Variants in GABRG1 observed in about 807,000 individuals in gnomAD.
The protein encoded by GABRG1 is gamma-aminobutyric acid receptor subunit gamma-1.
Under a neutral mutation model 49.8 loss-of-function variants are expected in GABRG1, and 49 were observed. That is an observed-to-expected ratio of 0.98 (90% CI 0.78 to 1.25). The LOEUF (loss-of-function observed/expected upper bound fraction) is 1.25, where lower values mean the gene tolerates loss of function less well. GABRG1 is among the 50% of genes most tolerant of loss of function. The probability of loss-of-function intolerance (pLI) is 0.00; values close to 1 mark genes in which losing one functional copy is unlikely to be tolerated. For missense variants in GABRG1, 552 were observed against 552.3 expected, an observed-to-expected ratio of 1.00 and a Z score of 0.01; for synonymous variants, 232 against 185.1, an observed-to-expected ratio of 1.25 and a Z score of -2.06.
intron 1 of GABRG1, among the ~76,000 whole-genome samples, chr4:46,100,732 G>GTTT (rs67783537): frequency 7.7e-6 from 1 of 130,214 alleles, no homozygotes; most frequent in South Asian, 2.4e-4. Flanking sequence ...AGCTTTTTCT[G>GTTT]TTTTTTTTTT....
intron 3 of GABRG1, among the ~76,000 whole-genome samples, chr4:46,079,932 T>C (rs1719503753): frequency 6.6e-6 from 1 of 151,904 alleles, no homozygotes; most frequent in Admixed American, 6.6e-5. Flanking sequence ...CAATTCTGAT[T>C]GCATATTTTT....
chr4:46,085,446 T>C (rs1442704267), intron 2 of GABRG1, among the ~76,000 whole-genome samples: 1 of 151,582 alleles, frequency 6.6e-6, no homozygotes. Flanking sequence ...GTAAGTCCAA[T>C]ATTGCTACTA....
At chr4:46,088,532 A>G (rs1719863893) in intron 2 of GABRG1, among the ~76,000 whole-genome samples, 1 of 151,966 alleles carries the variant, frequency 6.6e-6, no homozygotes, top group Non-Finnish European at 1.5e-5. Flanking sequence ...GGAGTCACTG[A>G]TAAGACACAT....
At chr4:46,064,198 T>C (rs929845026) in intron 5 of GABRG1, among the ~76,000 whole-genome samples, 1 of 152,034 alleles carries the variant, frequency 6.6e-6, no homozygotes, top group African/African-American at 2.4e-5. Context: ...GCAAATAGCA[T>C]TGGAATAAAA....
rs569963904 is a variant in GABRG1 at position 46,038,457 on chromosome 4, C to A, written c.*2531G>T. On this transcript the variant is annotated 3_prime_UTR_variant, in exon 9 of 9. Transcript: ENST00000295452. ...AATTCTTTATATCTAATTTTGGGGT[C>A]TATGTTAGCATTAAAAACATTGAAA... 13 of 151,526 alleles carry A rather than the reference C, an allele frequency of 8.6e-5. No homozygotes were observed. Among genetic ancestry groups the A allele is most frequent in the African/African-American group, 2.7e-4 (11 of 41,450 alleles). The allele number at this position is 151,526 out of a possible 1,614,324, so 9.4% of individuals were successfully genotyped here. A position where few individuals can be genotyped will look rare whatever the true frequency, so the allele number is the denominator to read the frequency against.
intron 2 of GABRG1, among the ~76,000 whole-genome samples, chr4:46,091,167 C>T (rs949029603): frequency 6.6e-6 from 1 of 152,002 alleles, no homozygotes; most frequent in Non-Finnish European, 1.5e-5. Flanking sequence ...GAGAGAGGAT[C>T]CTGGTACAAA....
rs1044506588 is a variant in GABRG1, at chr4:46,036,213, A to G, written c.*4775T>C. The G allele has an allele frequency of 1.3e-5, 2 of 151,854 alleles. No homozygotes were observed. The highest frequency in any genetic ancestry group is 2.4e-5 in the African/African-American group (1 of 41,418). 9.4% of individuals were successfully genotyped at this position (151,854 alleles called of 1,614,324 possible). The stretch of plus-strand genomic sequence containing the variant: ...TTCAGAAATTGTTTGAGGAACAGAA[A>G]TCAACTTTCTGGATTTGTCTACACA... On this transcript the variant is annotated 3_prime_UTR_variant, in exon 9 of 9. Transcript: ENST00000295452.
chr4:46,103,996 GTGTT>G (rs1227052318), intron 1 of GABRG1, among the ~76,000 whole-genome samples: 1 of 151,320 alleles, frequency 6.6e-6, no homozygotes, highest in East Asian at 2.0e-4. Flanking sequence ...GGAACATAGA[GTGTT>G]TGAAGTAAGA....
intron 2 of GABRG1, among the ~76,000 whole-genome samples, chr4:46,090,006 A>G (rs1719921570): frequency 6.6e-6 from 1 of 152,018 alleles, no homozygotes; most frequent in African/African-American, 2.4e-5. Context: ...TCATAAAGCA[A>G]TGGAAGCTTA....
intron 3 of GABRG1, among the ~76,000 whole-genome samples, chr4:46,069,480 G>A (rs1007161674): frequency 6.6e-6 from 1 of 152,028 alleles, no homozygotes; most frequent in Admixed American, 6.6e-5. Flanking sequence ...AGCAGGAAGA[G>A]GTAAATACAA....
Position 46,124,049 on chromosome 4 carries a change from C to T in GABRG1, c.-136G>A. The T allele has an allele frequency of 6.3e-6, 4 of 633,008 alleles. No individual in the cohort carries two copies. Among genetic ancestry groups the T allele is most frequent in the South Asian group, 2.0e-5 (1 of 51,138 alleles). 39.2% of individuals were successfully genotyped at this position (633,008 alleles called of 1,614,324 possible). ...GTGCACCTCCCAAACAGGTAGGATG[C>T]GACTCCCAGCAGAATTGAGCCAGGG... On this transcript the variant is annotated 5_prime_UTR_variant, in exon 1 of 9. Coordinates refer to ENST00000295452, the MANE Select transcript of GABRG1 (RefSeq NM_173536.4).
At chr4:46,110,575 C>A (rs915962176) in intron 1 of GABRG1, among the ~76,000 whole-genome samples, 2 of 150,948 alleles carry the variant, frequency 1.3e-5, no homozygotes, top group African/African-American at 4.9e-5. Context: ...GGCAAATATC[C>A]TTGATGAACA....
intron 8 of GABRG1, among the ~76,000 whole-genome samples, chr4:46,043,525 C>G (rs1338892346): frequency 6.6e-6 from 1 of 151,922 alleles, no homozygotes; most frequent in Non-Finnish European, 1.5e-5. Context: ...ACACAGATTT[C>G]TGACCTTTAA....
intron 1 of GABRG1, among the ~76,000 whole-genome samples, chr4:46,122,741 T>C (rs1236266940): frequency 1.3e-5 from 2 of 152,134 alleles, no homozygotes; most frequent in African/African-American, 4.8e-5. Context: ...GTGATACAAA[T>C]AGTTATAAAG....
chr4:46,114,350 A>T (rs1455140861), intron 1 of GABRG1, among the ~76,000 whole-genome samples: 1 of 151,100 alleles, frequency 6.6e-6, no homozygotes, highest in South Asian at 2.1e-4. Context: ...ATCACTTAAC[A>T]TACATAGAGA....
chr4:46,100,923 T>G (rs1346524365), intron 1 of GABRG1, among the ~76,000 whole-genome samples: 1 of 151,454 alleles, frequency 6.6e-6, no homozygotes, highest in Non-Finnish European at 1.5e-5. Flanking sequence ...TCTACACCTT[T>G]TCTCTAAGCT....
In GABRG1 at chr4:46,058,531, T is replaced by C. The variant is rs1718544943; in HGVS notation, c.717A>G (p.Ala239=). 6.2e-7 allele frequency: 1 copy of C among 1,613,424 alleles called. No homozygotes were observed. The highest frequency in any genetic ancestry group is 8.5e-7 in the Non-Finnish European group (1 of 1,179,608). The change falls in exon 6 of 9, where the codon GCA becomes GCG. Residue 239 remains alanine (A), a synonymous_variant. Coordinates refer to ENST00000295452, the MANE Select transcript of GABRG1 (RefSeq NM_173536.4). ...CAGTTGAGTTCCGTAACCCTACAAA[T>C]GCAAACTGATATAATCTCCAGTATT... ...DPKYWRLYQF[A]FVGLRNSTEI... is the part of the protein sequence containing the mutation.
chr4:46,051,365 A>C, intron 8 of GABRG1, 59 bp downstream of exon 8: 1 of 1,273,392 alleles, frequency 7.9e-7, no homozygotes, highest in Non-Finnish European at 1.1e-6. Context: ...TAAATATTCA[A>C]AAGAGTATCT....
intron 1 of GABRG1, among the ~76,000 whole-genome samples, chr4:46,103,128 G>A (rs999199570): frequency 6.6e-6 from 1 of 151,530 alleles, no homozygotes; most frequent in East Asian, 2.0e-4. Flanking sequence ...TCTGACACGG[G>A]AGGGAGCTTC....
Sources: gnomAD v4.1 joint callset for allele counts (sites outside exome capture counted in the v4.1 genomes callset) on GRCh38, gnomAD v4.1.1 for gene constraint, MANE v1.5 for transcripts, NCBI Gene and HGNC (gene_info 2026-07-23, HGNC 2026-07-21) for gene names.